RCAN2: variants seen among roughly 807,000 people sequenced by gnomAD.
RCAN2 encodes calcipressin-2.
RCAN2 carries 9 observed loss-of-function variants against 23.6 expected under a neutral mutation model. The ratio of observed to expected loss-of-function variants is 0.38; its 90% CI spans 0.23 to 0.67. The LOEUF (loss-of-function observed/expected upper bound fraction) is 0.67. RCAN2 is among the 30% of genes least tolerant of loss of function. RCAN2 has a pLI of 0.51. For synonymous variants in RCAN2, 109 were observed against 115.7 expected (o/e 0.94, Z 0.37); for missense variants, 273 against 302.3 (o/e 0.90, Z 0.72).
intron 2 of RCAN2, among the ~76,000 whole-genome samples, chr6:46,326,637 A>T (rs1036876888): frequency 6.6e-6 from 1 of 152,206 alleles, no homozygotes; most frequent in African/African-American, 2.4e-5. Context: ...TTTTTATTTT[A>T]TCATTAGTTA....
intron 4 of RCAN2, among the ~76,000 whole-genome samples, chr6:46,240,994 G>GA (rs527251725): frequency 5.3e-5 from 8 of 151,930 alleles, no homozygotes; most frequent in Non-Finnish European, 1.2e-4. Context: ...ATAGCAGGAG[G>GA]AAAAAAAAGA....
Position 46,459,744 on chromosome 6 carries a change from C to T in RCAN2, c.-2-2766G>A, listed in dbSNP as rs1768157019. ...ACAACAAAACAACATTGAACTGCCT[C>T]CTTCTGCAGAGTAAGGGGAGGCAGG... On this transcript the variant is annotated intron_variant, in intron 1 of 4. Coordinates refer to ENST00000371374, the MANE Select transcript of RCAN2 (RefSeq NM_001251974.2). 3.3e-5 allele frequency among the ~76,000 whole-genome samples: 5 copies of T among 152,276 alleles called. No homozygotes were observed. The South Asian group carries it at 1.0e-3, about 32-fold the overall frequency.
In RCAN2 at chr6:46,358,538, G is replaced by A. The variant is rs187500329; in HGVS notation, c.225+98214C>T. 3.6e-4 allele frequency among the ~76,000 whole-genome samples: 55 copies of A among 152,300 alleles called. 1 individual carries two copies. The South Asian group carries it at 7.5e-3, about 21-fold the overall frequency. On this transcript the variant is annotated intron_variant, in intron 2 of 4. Transcript: ENST00000371374. Reference sequence around the variant, plus strand: ...TAAGCCCTGATCATGGGCTTTTGGGGAAGAATTTTCCATGTTTCTTCATCT... The same window carrying A: ...TAAGCCCTGATCATGGGCTTTTGGGAAAGAATTTTCCATGTTTCTTCATCT...
At chr6:46,236,386 A>G (rs1051562252) in intron 4 of RCAN2, among the ~76,000 whole-genome samples, 2 of 148,284 alleles carry the variant, frequency 1.3e-5, no homozygotes, top group Non-Finnish European at 3.0e-5. Flanking sequence ...CTATACCTCT[A>G]TTTCCATGAG....
chr6:46,256,601 C>T (rs189712757), intron 2 of RCAN2, among the ~76,000 whole-genome samples: 329 of 152,132 alleles, frequency 2.2e-3, no homozygotes, highest in African/African-American at 7.3e-3. Flanking sequence ...CTGAGATGTA[C>T]GGACACAGGT....
intron 4 of RCAN2, among the ~76,000 whole-genome samples, chr6:46,226,294 TTAAAG>T (rs1765662023): frequency 1.3e-5 from 2 of 152,340 alleles, no homozygotes; most frequent in East Asian, 1.9e-4. Context: ...CATATGAACT[TTAAAG>T]TAGTTTTTCC....
At chr6:46,371,640 C>CT (rs1765320934) in intron 2 of RCAN2, among the ~76,000 whole-genome samples, 1 of 152,210 alleles carries the variant, frequency 6.6e-6, no homozygotes, top group Non-Finnish European at 1.5e-5. Context: ...GTTTACAGGA[C>CT]TTGAAGGCTA....
intron 2 of RCAN2, among the ~76,000 whole-genome samples, chr6:46,321,656 C>T (rs1213895488): frequency 6.6e-6 from 1 of 152,196 alleles, no homozygotes. Context: ...GAAGGGGCAG[C>T]CCCAGGTTTG....
chr6:46,353,860 G>A lies in RCAN2; in HGVS notation c.225+102892C>T, dbSNP rs545423839. Among the ~76,000 whole-genome samples, 14 of 152,326 alleles carry A rather than the reference G, an allele frequency of 9.2e-5. No individual in the cohort carries two copies. In the South Asian group the frequency reaches 2.9e-3, roughly 32 times the overall value. On this transcript the variant is annotated intron_variant, in intron 2 of 4. Coordinates refer to ENST00000371374, the MANE Select transcript of RCAN2 (RefSeq NM_001251974.2). The stretch of plus-strand genomic sequence containing the variant: ...ATAAACATAATTATGCATGCAAGAA[G>A]TATCTTACCATGTTATCAGGCTTTA...
chr6:46,443,197 T>A (rs978849470), intron 2 of RCAN2, among the ~76,000 whole-genome samples: 2 of 152,216 alleles, frequency 1.3e-5, no homozygotes, highest in African/African-American at 4.8e-5. Context: ...ATATTTTATG[T>A]CTAATTTAAC....
intron 2 of RCAN2, among the ~76,000 whole-genome samples, chr6:46,305,528 C>T (rs940208000): frequency 2.0e-5 from 3 of 151,934 alleles, no homozygotes; most frequent in Admixed American, 6.6e-5. Flanking sequence ...TAAGATGCCA[C>T]TAAATAAGAC....
At chr6:46,370,652 A>T (rs1162746363) in intron 2 of RCAN2, among the ~76,000 whole-genome samples, 1 of 152,216 alleles carries the variant, frequency 6.6e-6, no homozygotes, top group Non-Finnish European at 1.5e-5. Context: ...CACTGTTGCC[A>T]GTCTCTGAAT....
At chr6:46,223,439 G>C (rs1247800161) in intron 4 of RCAN2, 138 bp from the exon 5 acceptor site, 3 of 744,032 alleles carry the variant, frequency 4.0e-6, no homozygotes, top group East Asian at 2.6e-5. Flanking sequence ...GATGGCACAG[G>C]GTGTTGGCAA....
chr6:46,319,661 G>T (rs1763547203), intron 2 of RCAN2, among the ~76,000 whole-genome samples: 1 of 152,126 alleles, frequency 6.6e-6, no homozygotes. Flanking sequence ...AAAGATGTTT[G>T]CTACTTTCTT....
At chr6:46,356,860 T>G (rs1032548936) in intron 2 of RCAN2, among the ~76,000 whole-genome samples, 7 of 152,198 alleles carry the variant, frequency 4.6e-5, no homozygotes, top group African/African-American at 1.4e-4. Flanking sequence ...TTATACCCAT[T>G]CTACCAAATA....
chr6:46,477,348 TA>T (rs1768743276), intron 1 of RCAN2, among the ~76,000 whole-genome samples: 1 of 152,180 alleles, frequency 6.6e-6, no homozygotes, highest in Admixed American at 6.5e-5. Flanking sequence ...ATAAAAATGA[TA>T]AAATTGAGTC....
At chr6:46,460,059 T>G (rs941809894) in intron 1 of RCAN2, among the ~76,000 whole-genome samples, 5 of 151,850 alleles carry the variant, frequency 3.3e-5, no homozygotes, top group African/African-American at 9.7e-5. Context: ...TGTTGTTGTT[T>G]TTTTTTTCCA....
At chr6:46,298,539 C>T (rs1188276250) in intron 2 of RCAN2, among the ~76,000 whole-genome samples, 4 of 152,046 alleles carry the variant, frequency 2.6e-5, no homozygotes, top group South Asian at 4.1e-4. Flanking sequence ...TTTTGGTAAA[C>T]CTTAATATTT....
At chr6:46,437,779 C>T (rs1284406521) in intron 2 of RCAN2, among the ~76,000 whole-genome samples, 1 of 152,174 alleles carries the variant, frequency 6.6e-6, no homozygotes, top group Admixed American at 6.5e-5. Flanking sequence ...AGTCCAGACA[C>T]AGGGGCTATT....
Sources: gnomAD v4.1 joint callset for allele counts (sites outside exome capture counted in the v4.1 genomes callset) on GRCh38, gnomAD v4.1.1 for gene constraint, MANE v1.5 for transcripts, NCBI Gene and HGNC (gene_info 2026-07-23, HGNC 2026-07-21) for gene names.